Variants in EIF3H observed in about 807,000 individuals in gnomAD.
The protein encoded by EIF3H is eukaryotic translation initiation factor 3 subunit H.
EIF3H carries 26 observed loss-of-function variants against 44.2 expected under a neutral mutation model. That is an observed-to-expected ratio of 0.59 (90% confidence interval 0.43 to 0.82). EIF3H has a LOEUF of 0.82. Ranked by LOEUF, EIF3H falls within the 40% of genes least tolerant of loss-of-function variation. The pLI is 0.00. For missense variants in EIF3H, 359 were observed against 432.8 expected (o/e 0.83, Z 1.51); for synonymous variants, 166 against 151.9 (o/e 1.09, Z -0.68).
chr8:116,663,581 C>T (rs1813616380), intron 2 of EIF3H, among the ~76,000 whole-genome samples: 1 of 151,978 alleles, frequency 6.6e-6, no homozygotes, highest in South Asian at 2.1e-4. Flanking sequence ...ATTCTTAGTA[C>T]AAAAAAGCAA....
intron 2 of EIF3H, among the ~76,000 whole-genome samples, chr8:116,669,151 T>C (rs952253330): frequency 2.2e-4 from 34 of 152,032 alleles, no homozygotes; most frequent in Non-Finnish European, 2.5e-4. Flanking sequence ...CAATCTACCA[T>C]GAGAAAAAAA....
At chr8:116,752,625 T>C (rs186863785) in intron 1 of EIF3H, among the ~76,000 whole-genome samples, 42 of 146,448 alleles carry the variant, frequency 2.9e-4, no homozygotes, top group African/African-American at 1.0e-3. Context: ...GTATGTAATA[T>C]TGCTTTCCTA....
At chr8:116,713,828 T>C (rs16888679) in intron 2 of EIF3H, among the ~76,000 whole-genome samples, 2,051 of 152,216 alleles carry the variant, frequency 0.013, 55 homozygotes, top group African/African-American at 0.047. Context: ...TTCAAAATAC[T>C]ACGTAACAAA....
At chr8:116,741,430 T>C (rs191039006) in intron 1 of EIF3H, among the ~76,000 whole-genome samples, 237 of 152,368 alleles carry the variant, frequency 1.6e-3, no homozygotes, top group African/African-American at 4.7e-3. Flanking sequence ...AGAGTTCAAT[T>C]AAATTTACTC....
At chr8:116,651,724 A>G (rs1813396949) in intron 5 of EIF3H, among the ~76,000 whole-genome samples, 1 of 152,196 alleles carries the variant, frequency 6.6e-6, no homozygotes, top group Non-Finnish European at 1.5e-5. Flanking sequence ...CTTCTGTTTT[A>G]CCCTAATTTC....
At chr8:116,673,905 C>T (rs1323093055) in intron 2 of EIF3H, among the ~76,000 whole-genome samples, 1 of 151,666 alleles carries the variant, frequency 6.6e-6, no homozygotes, top group Non-Finnish European at 1.5e-5. Context: ...CCCGTCGCTA[C>T]TAAAAATACA....
At chr8:116,759,753 C>T (rs1337457706), upstream of EIF3H, among the ~76,000 whole-genome samples, 2 of 151,866 alleles carry the variant, frequency 1.3e-5, no homozygotes, top group African/African-American at 2.4e-5. Context: ...ACATGCTTGC[C>T]GTGTCTTACT....
intron 2 of EIF3H, among the ~76,000 whole-genome samples, chr8:116,705,495 C>A (rs922391347): frequency 2.4e-5 from 3 of 125,380 alleles, no homozygotes; most frequent in African/African-American, 1.2e-4. Flanking sequence ...TGTTACACCC[C>A]CCCCCACCAC....
intron 1 of EIF3H, among the ~76,000 whole-genome samples, chr8:116,733,678 A>G (rs1342005700): frequency 6.6e-6 from 1 of 152,178 alleles, no homozygotes; most frequent in Non-Finnish European, 1.5e-5. Flanking sequence ...AAAATCTTAT[A>G]CATTGATATC....
intron 1 of EIF3H, among the ~76,000 whole-genome samples, chr8:116,728,380 T>C (rs1038656658): frequency 6.6e-6 from 1 of 152,094 alleles, no homozygotes; most frequent in African/African-American, 2.4e-5. Context: ...AGAGCCAAGA[T>C]TTAAACCTAG....
At chr8:116,658,685 G>A (rs924432586) in intron 3 of EIF3H, 128 bp downstream of exon 3, 2 of 837,288 alleles carry the variant, frequency 2.4e-6, no homozygotes, top group South Asian at 2.0e-5. Context: ...TGCTGAGGCT[G>A]CTGCAGAAAC....
chr8:116,651,520 A>T (rs570367863), intron 5 of EIF3H, among the ~76,000 whole-genome samples: 1 of 152,362 alleles, frequency 6.6e-6, no homozygotes, highest in African/African-American at 2.4e-5. Context: ...CATAGAACTA[A>T]GGTGTATGTG....
chr8:116,660,037 C>G (rs762615382), intron 2 of EIF3H, among the ~76,000 whole-genome samples: 1 of 152,066 alleles, frequency 6.6e-6, no homozygotes, highest in Admixed American at 6.6e-5. Flanking sequence ...CAGGTGTGAA[C>G]CACCGCACCC....
intron 2 of EIF3H, among the ~76,000 whole-genome samples, chr8:116,710,615 A>C (rs1814557917): frequency 6.6e-6 from 1 of 152,238 alleles, no homozygotes; most frequent in Non-Finnish European, 1.5e-5. Flanking sequence ...TAATGCCAAG[A>C]AGCAGCCTTT....
At chr8:116,716,248 A>G (rs533869121) in intron 2 of EIF3H, among the ~76,000 whole-genome samples, 5 of 152,240 alleles carry the variant, frequency 3.3e-5, no homozygotes, top group African/African-American at 1.2e-4. Context: ...GCACAGCTCC[A>G]AAGTATAAAG....
At chr8:116,666,968 C>G (rs1813680752) in intron 2 of EIF3H, among the ~76,000 whole-genome samples, 1 of 152,124 alleles carries the variant, frequency 6.6e-6, no homozygotes, top group Admixed American at 6.5e-5. Context: ...TGTGCATACA[C>G]CTGTGTGCAT....
Position 116,643,624 on chromosome 8 carries a change from T to C in EIF3H, c.*1382A>G, listed in dbSNP as rs777367762. 6.6e-6 allele frequency: 1 copy of C among 152,118 alleles called. No individual in the cohort carries two copies. The highest frequency in any genetic ancestry group is 6.6e-5 in the Admixed American group (1 of 15,264). 9.4% of individuals were successfully genotyped at this position (152,118 alleles called of 1,614,324 possible). On this transcript the variant is annotated 3_prime_UTR_variant, in exon 8 of 8. Transcript: ENST00000521861. ...GTAACAGACCTGCTCTCATTTCTTA[T>C]CTTATCTGGTTGACAAAAAGTGAGG...
chr8:116,643,697 C>G lies in EIF3H; in HGVS notation c.*1309G>C, dbSNP rs536495905. 1 of 152,206 alleles carries G rather than the reference C, an allele frequency of 6.6e-6. No homozygotes were observed. The highest frequency in any genetic ancestry group is 1.5e-5 in the Non-Finnish European group (1 of 68,050). The allele number at this position is 152,206 out of a possible 1,614,324, so 9.4% of individuals were successfully genotyped here. On this transcript the variant is annotated 3_prime_UTR_variant, in exon 8 of 8. Transcript: ENST00000521861. ...GGAAAAGGAGGAGCCAGGTTTCAAT[C>G]TGGCTGCCTGATCCCAGAGCCCCAG...
chr8:116,757,929 C>T (rs1411331449), upstream of EIF3H, among the ~76,000 whole-genome samples: 2 of 152,140 alleles, frequency 1.3e-5, no homozygotes, highest in Admixed American at 6.5e-5. Flanking sequence ...GCCATGTTGG[C>T]CAGGCTGGTT....
Sources: gnomAD v4.1 joint callset for allele counts (sites outside exome capture counted in the v4.1 genomes callset) on GRCh38, gnomAD v4.1.1 for gene constraint, MANE v1.5 for transcripts, NCBI Gene and HGNC (gene_info 2026-07-23, HGNC 2026-07-21) for gene names.